Variants in MIPOL1 observed in about 807,000 individuals in gnomAD.
The protein encoded by MIPOL1 is mirror-image polydactyly gene 1 protein.
In MIPOL1, 57 loss-of-function variants were observed where a neutral mutation model predicts 60.9. That is an observed-to-expected ratio of 0.94 (90% CI 0.76 to 1.17). The LOEUF is 1.17. Among genes scored for constraint, MIPOL1 ranks in the 50% most tolerant of loss-of-function variants. The probability of loss-of-function intolerance (pLI) is 0.00; values close to 1 mark genes in which losing one functional copy is unlikely to be tolerated. For synonymous variants in MIPOL1, 179 were observed against 168.8 expected (o/e 1.06, Z -0.47); for missense variants, 551 against 511.6 (o/e 1.08, Z -0.74).
chr14:37,355,149 T>G (rs1322193139), intron 9 of MIPOL1, among the ~76,000 whole-genome samples: 1 of 150,134 alleles, frequency 6.7e-6, no homozygotes, highest in Admixed American at 6.7e-5. Flanking sequence ...AGTATTTTAT[T>G]TCTCCTTAGC....
chr14:37,420,929 A>C (rs1488124389), intron 10 of MIPOL1, among the ~76,000 whole-genome samples: 1 of 152,148 alleles, frequency 6.6e-6, no homozygotes, highest in Non-Finnish European at 1.5e-5. Context: ...TATCTGATAA[A>C]GTAAGGATAT....
chr14:37,432,991 C>G (rs2094101014), intron 11 of MIPOL1, among the ~76,000 whole-genome samples: 1 of 152,164 alleles, frequency 6.6e-6, no homozygotes, highest in Admixed American at 6.5e-5. Context: ...ATTGTGGGGC[C>G]TGGCAAGTCT....
chr14:37,447,052 T>A (rs1340037264), intron 11 of MIPOL1, among the ~76,000 whole-genome samples: 1 of 151,754 alleles, frequency 6.6e-6, no homozygotes, highest in Admixed American at 6.6e-5. Context: ...TGTGCACATG[T>A]ACCCTAAAAC....
intron 9 of MIPOL1, among the ~76,000 whole-genome samples, chr14:37,369,166 A>T (rs907334547): frequency 1.3e-5 from 2 of 152,122 alleles, no homozygotes; most frequent in African/African-American, 4.8e-5. Context: ...ATCCAATATG[A>T]TTTTTAGAAG....
intron 12 of MIPOL1, among the ~76,000 whole-genome samples, chr14:37,513,172 A>C (rs1351082782): frequency 6.6e-6 from 1 of 152,110 alleles, no homozygotes; most frequent in African/African-American, 2.4e-5. Context: ...TAAAGAATTT[A>C]ATATTCTGAA....
In MIPOL1 at chr14:37,247,827, A is replaced by T; in HGVS notation, c.-60-2A>T. 1 of 1,580,366 alleles carries T rather than the reference A, an allele frequency of 6.3e-7. No individual in the cohort carries two copies. The highest frequency in any genetic ancestry group is 1.3e-5 in the African/African-American group (1 of 74,116). On this transcript the variant is annotated splice_acceptor_variant, in intron 2 of 12. Transcript: ENST00000684589. LOFTEE classifies it low-confidence loss of function (5UTR_SPLICE). ...ATTTATCTAGAGTTGGCTTTATTTT[A>T]GCTGCAAATCTTGGAGCAAAAACCA...
intron 11 of MIPOL1, among the ~76,000 whole-genome samples, chr14:37,497,761 G>A (rs557655971): frequency 2.0e-5 from 3 of 152,272 alleles, no homozygotes; most frequent in South Asian, 2.1e-4. Context: ...AAAGTTAAAA[G>A]CATTTGACAG....
intron 11 of MIPOL1, among the ~76,000 whole-genome samples, chr14:37,459,165 G>A (rs2094510983): frequency 6.6e-6 from 1 of 151,658 alleles, no homozygotes; most frequent in Admixed American, 6.6e-5. Context: ...AAATAACAAA[G>A]CTCAGAGCAG....
rs566491466 is a variant in MIPOL1, at chr14:37,203,922, G to A, written c.-199+5818G>A. Among the ~76,000 whole-genome samples the A allele has an allele frequency of 2.6e-5, 4 of 152,172 alleles. No individual in the cohort carries two copies. The South Asian group carries it at 6.2e-4, about 24-fold the overall frequency. On this transcript the variant is annotated intron_variant, in intron 1 of 12. Coordinates refer to ENST00000684589, the MANE Select transcript of MIPOL1 (RefSeq NM_001388067.1). ...CTCAGCCTCCCAAGTAGCTGGGACT[G>A]CAGGCACATGCCACCACGCCCAGCT...
chr14:37,549,414 A>G lies in MIPOL1; in HGVS notation c.*2443A>G, dbSNP rs1225412699. ...AATAAATTATATATATAACCCATAT[A>G]ATAACGATGGTGATGATAATTTTAG... On this transcript the variant is annotated 3_prime_UTR_variant, in exon 13 of 13. Transcript: ENST00000684589. 1 of 151,428 alleles carries G rather than the reference A, an allele frequency of 6.6e-6. No individual in the cohort carries two copies. Among genetic ancestry groups the G allele is most frequent in the Non-Finnish European group, 1.5e-5 (1 of 67,596 alleles). 9.4% of individuals were successfully genotyped at this position (151,428 alleles called of 1,614,324 possible).
chr14:37,429,933 G>T (rs905584711), intron 11 of MIPOL1, among the ~76,000 whole-genome samples: 1 of 152,050 alleles, frequency 6.6e-6, no homozygotes, highest in Non-Finnish European at 1.5e-5. Flanking sequence ...GGTGATTATA[G>T]CATGCAAACT....
rs1310131154 is a variant in MIPOL1, at chr14:37,271,156, T to A, written c.493+631T>A. On this transcript the variant is annotated intron_variant, in intron 6 of 12. Transcript: ENST00000684589. ...GAAATTTTTAAATGTATTTTTGATA[T>A]GTTATAGATACAATGAAATGATTCA... Among the ~76,000 whole-genome samples the A allele has an allele frequency of 2.0e-5, 3 of 152,084 alleles. No individual in the cohort carries two copies. The East Asian group carries it at 5.8e-4, about 29-fold the overall frequency.
chr14:37,391,552 C>T (rs970612300), intron 10 of MIPOL1, among the ~76,000 whole-genome samples: 21 of 151,864 alleles, frequency 1.4e-4, no homozygotes, highest in African/African-American at 3.6e-4. Flanking sequence ...CATGCCACCA[C>T]GTCCAGCTAA....
chr14:37,410,333 T>C (rs2093661074), intron 10 of MIPOL1, among the ~76,000 whole-genome samples: 1 of 152,124 alleles, frequency 6.6e-6, no homozygotes, highest in Non-Finnish European at 1.5e-5. Context: ...GTCGTGCACA[T>C]GTACCCTAAA....
At chr14:37,536,501 C>T (rs1176082199) in intron 12 of MIPOL1, among the ~76,000 whole-genome samples, 1 of 152,140 alleles carries the variant, frequency 6.6e-6, no homozygotes, top group Non-Finnish European at 1.5e-5. Flanking sequence ...ATAACATCAT[C>T]ATAAAGTTCA....
chr14:37,490,008 G>C (rs889909944), intron 11 of MIPOL1, among the ~76,000 whole-genome samples: 4 of 152,202 alleles, frequency 2.6e-5, no homozygotes, highest in African/African-American at 7.2e-5. Context: ...TCTCTTCAGA[G>C]CCATCAGGCA....
chr14:37,409,318 T>C (rs1490230678), intron 10 of MIPOL1, among the ~76,000 whole-genome samples: 3 of 152,160 alleles, frequency 2.0e-5, no homozygotes, highest in Admixed American at 1.3e-4. Context: ...GCTTAAATGA[T>C]ATTTAAATAA....
intron 9 of MIPOL1, among the ~76,000 whole-genome samples, chr14:37,321,488 A>T (rs372359117): frequency 1.6e-4 from 24 of 151,952 alleles, no homozygotes; most frequent in Admixed American, 6.6e-4. Context: ...AAATTTTTTG[A>T]TACTTGCCCT....
chr14:37,390,763 A>G (rs1459052743), intron 10 of MIPOL1, among the ~76,000 whole-genome samples: 1 of 152,014 alleles, frequency 6.6e-6, no homozygotes, highest in African/African-American at 2.4e-5. Flanking sequence ...TGGGGAGAGG[A>G]GATGTAGCTG....
Sources: gnomAD v4.1 joint callset for allele counts (sites outside exome capture counted in the v4.1 genomes callset) on GRCh38, gnomAD v4.1.1 for gene constraint, MANE v1.5 for transcripts, NCBI Gene and HGNC (gene_info 2026-07-23, HGNC 2026-07-21) for gene names.